SSH2: variants seen among roughly 807,000 people sequenced by gnomAD.
SSH2 encodes slingshot protein phosphatase 2, also known as protein phosphatase Slingshot homolog 2.
SSH2 carries 37 observed loss-of-function variants against 135.2 expected under a neutral mutation model. That is an observed-to-expected ratio of 0.27 (90% CI 0.21 to 0.36). SSH2 has a LOEUF of 0.36. SSH2 is among the 10% of genes least tolerant of loss of function. The pLI is 1.00. For synonymous variants in SSH2, 628 were observed against 646.2 expected (o/e 0.97, Z 0.43); for missense variants, 1,408 against 1,765.3 (o/e 0.80, Z 3.63).
chr17:29,679,065 T>C (rs1055497176), intron 6 of SSH2, among the ~76,000 whole-genome samples: 1 of 152,156 alleles, frequency 6.6e-6, no homozygotes, highest in African/African-American at 2.4e-5. Flanking sequence ...TTTAAGTTAA[T>C]GGAAGAGGTT....
intron 3 of SSH2, among the ~76,000 whole-genome samples, chr17:29,766,950 A>G (rs1269795964): frequency 6.6e-6 from 1 of 152,206 alleles, no homozygotes; most frequent in African/African-American, 2.4e-5. Context: ...ATAATACAAT[A>G]AACCAAACTT....
intron 11 of SSH2, among the ~76,000 whole-genome samples, chr17:29,663,090 C>T (rs142231069): frequency 1.8e-4 from 27 of 152,096 alleles, no homozygotes; most frequent in African/African-American, 6.5e-4. Context: ...TTTCTAGAAA[C>T]ACCCTGGCTT....
At chr17:29,916,675 T>C (rs538234681) in intron 1 of SSH2, among the ~76,000 whole-genome samples, 1 of 152,218 alleles carries the variant, frequency 6.6e-6, no homozygotes, top group African/African-American at 2.4e-5. Context: ...AAAATACTTT[T>C]AGGGCTTCTC....
At chr17:29,655,072 T>TG (rs2036727141) in intron 12 of SSH2, among the ~76,000 whole-genome samples, 1 of 151,822 alleles carries the variant, frequency 6.6e-6, no homozygotes, top group South Asian at 2.1e-4. Flanking sequence ...TCTTGGGAGG[T>TG]GGGGGGACGA....
At chr17:29,760,462 G>A (rs559750049) in intron 3 of SSH2, among the ~76,000 whole-genome samples, 4 of 152,106 alleles carry the variant, frequency 2.6e-5, no homozygotes, top group Non-Finnish European at 4.4e-5. Context: ...ACAAGCTTCA[G>A]CACACACACT....
intron 3 of SSH2, among the ~76,000 whole-genome samples, chr17:29,772,930 C>T (rs1306667489): frequency 2.6e-5 from 4 of 152,028 alleles, no homozygotes; most frequent in Non-Finnish European, 5.9e-5. Flanking sequence ...GACTGAGAAA[C>T]CCTACCAGTA....
chr17:29,740,302 C>A (rs2040511595), intron 3 of SSH2, among the ~76,000 whole-genome samples: 1 of 152,234 alleles, frequency 6.6e-6, no homozygotes, highest in Non-Finnish European at 1.5e-5. Flanking sequence ...CCCAAAAGCA[C>A]TTTCCCTGTC....
intron 5 of SSH2, among the ~76,000 whole-genome samples, chr17:29,687,689 G>A (rs975688055): frequency 2.6e-5 from 4 of 152,106 alleles, no homozygotes; most frequent in Admixed American, 6.6e-5. Context: ...ACAAGATCTC[G>A]CATATTATTA....
chr17:29,773,205 A>T (rs2041625632), intron 3 of SSH2, among the ~76,000 whole-genome samples: 1 of 152,166 alleles, frequency 6.6e-6, no homozygotes, highest in Non-Finnish European at 1.5e-5. Flanking sequence ...AAAGAAAATC[A>T]ACACTGCACA....
intron 2 of SSH2, 26 bp downstream of exon 2, chr17:29,848,823 C>T (rs1232343567): frequency 4.2e-6 from 6 of 1,427,764 alleles, no homozygotes; most frequent in Non-Finnish European, 5.7e-6. Flanking sequence ...TCACCAAAGT[C>T]TGTATAAAAA....
At chr17:29,829,354 A>C (rs976569321) in intron 2 of SSH2, among the ~76,000 whole-genome samples, 1 of 152,178 alleles carries the variant, frequency 6.6e-6, no homozygotes, top group Non-Finnish European at 1.5e-5. Context: ...ACCACACCAT[A>C]ACACCATACT....
At chr17:29,782,805 C>T (rs2041868952) in intron 3 of SSH2, among the ~76,000 whole-genome samples, 1 of 150,710 alleles carries the variant, frequency 6.6e-6, no homozygotes, top group Non-Finnish European at 1.5e-5. Context: ...AGGCTGGTCT[C>T]GAACTCCTGA....
At chr17:29,758,349 G>A (rs1392507239) in intron 3 of SSH2, among the ~76,000 whole-genome samples, 1 of 152,094 alleles carries the variant, frequency 6.6e-6, no homozygotes, top group Non-Finnish European at 1.5e-5. Flanking sequence ...CTACCCATGC[G>A]GCCTTGAGCA....
intron 3 of SSH2, among the ~76,000 whole-genome samples, chr17:29,716,079 C>T (rs2039611388): frequency 6.6e-6 from 1 of 152,192 alleles, no homozygotes; most frequent in Non-Finnish European, 1.5e-5. Context: ...TATCTCCTTT[C>T]TCCAATCTGA....
intron 2 of SSH2, among the ~76,000 whole-genome samples, chr17:29,824,173 A>C (rs2042704401): frequency 6.6e-6 from 1 of 152,168 alleles, no homozygotes; most frequent in Non-Finnish European, 1.5e-5. Context: ...CAAGTGGTAA[A>C]AACAAAAACA....
intron 4 of SSH2, among the ~76,000 whole-genome samples, chr17:29,701,897 T>C (rs971185342): frequency 1.3e-5 from 2 of 150,560 alleles, no homozygotes; most frequent in African/African-American, 4.9e-5. Context: ...AAATTTTTTT[T>C]TTTTTTTTTT....
intron 2 of SSH2, among the ~76,000 whole-genome samples, chr17:29,846,378 C>T (rs1304183524): frequency 6.6e-6 from 1 of 152,120 alleles, no homozygotes; most frequent in East Asian, 1.9e-4. Flanking sequence ...GAGACTGGTA[C>T]ATATTCCATC....
At chr17:29,801,688 TAATC>T (rs983140535) in intron 2 of SSH2, among the ~76,000 whole-genome samples, 2 of 152,228 alleles carry the variant, frequency 1.3e-5, no homozygotes, top group African/African-American at 4.8e-5. Flanking sequence ...CATCAGATTG[TAATC>T]TCCTTAAGGG....
At chr17:29,913,403 T>A (rs1296543753) in intron 1 of SSH2, among the ~76,000 whole-genome samples, 1 of 113,062 alleles carries the variant, frequency 8.8e-6, no homozygotes, top group Non-Finnish European at 1.7e-5. Context: ...ACTAAAGATG[T>A]AGTAAAGGGC....
Sources: allele counts gnomAD v4.1 joint callset (sites outside exome capture counted in the v4.1 genomes callset), GRCh38; gene constraint gnomAD v4.1.1; transcripts MANE v1.5; gene names NCBI Gene and HGNC (gene_info 2026-07-23, HGNC 2026-07-21).